The following SEMA4A variants were observed in gnomAD, a reference collection of about 807,000 sequenced individuals.
SEMA4A encodes semaphorin-4A.
A neutral mutation model predicts 72.5 loss-of-function variants in SEMA4A; 52 were observed. That is an observed-to-expected ratio of 0.72 (90% CI 0.57 to 0.90). SEMA4A has a LOEUF of 0.90. SEMA4A is among the 40% of genes least tolerant of loss of function. The pLI is 0.00. For missense variants in SEMA4A, 926 were observed against 959.7 expected (o/e 0.96, Z 0.46); for synonymous variants, 369 against 393.1 (o/e 0.94, Z 0.73).
chr1:156,172,694 G>A (rs1460736583), intron 10 of SEMA4A, 132 bp from the exon 11 acceptor site: 10 of 874,490 alleles, frequency 1.1e-5, no homozygotes, highest in African/African-American at 3.3e-5. Flanking sequence ...CTCCAGAGTC[G>A]GAGCTTTAAC....
intron 10 of SEMA4A, among the ~76,000 whole-genome samples, chr1:156,172,603 A>G (rs1014146109): frequency 2.0e-5 from 3 of 152,196 alleles, no homozygotes; most frequent in South Asian, 2.1e-4. Flanking sequence ...CAGCGAGCCT[A>G]TGAGGCAGGT....
At position 156,177,049 on chromosome 1, in the gene SEMA4A, G is replaced by A. The variant is rs1434773284; in HGVS notation, c.*52G>A. The A allele has an allele frequency of 6.5e-7, 1 of 1,532,592 alleles. No homozygotes were observed. The highest frequency in any genetic ancestry group is 1.7e-5 in the Admixed American group (1 of 59,156). The allele number at this position is 1,532,592 out of a possible 1,614,324, so 94.9% of individuals were successfully genotyped here. On this transcript the variant is annotated 3_prime_UTR_variant, in exon 15 of 15. Coordinates refer to ENST00000368285, the MANE Select transcript of SEMA4A (RefSeq NM_022367.4). ...TGCAGGCACCTGGCCATGCTGGCTG[G>A]GCGGCCCAAGCACAGCCCTGACTAG...
chr1:156,152,666 C>T (rs996499308), upstream of SEMA4A, among the ~76,000 whole-genome samples: 8 of 152,134 alleles, frequency 5.3e-5, no homozygotes, highest in African/African-American at 1.9e-4. Context: ...AGGCTGAGTA[C>T]CTCAGATGAG....
Position 156,174,820 on chromosome 1 carries a change from AG to A in SEMA4A, c.1316-1del, listed in dbSNP as rs1655144323. 1 of 1,614,050 alleles carries A rather than the reference AG, an allele frequency of 6.2e-7. No homozygotes were observed. Among genetic ancestry groups the A allele is most frequent in the Non-Finnish European group, 8.5e-7 (1 of 1,180,020 alleles). ...ACTTCCACTCTCTCTGTCTCCCCATAGCCACAGGGTCGCTCCACAAGGCTGT... is the reference window on the plus strand; with the variant it reads ...ACTTCCACTCTCTCTGTCTCCCCATACCACAGGGTCGCTCCACAAGGCTGT... On this transcript the variant is annotated splice_acceptor_variant, in intron 11 of 14. Coordinates refer to ENST00000368285, the MANE Select transcript of SEMA4A (RefSeq NM_022367.4). LOFTEE classifies it high-confidence loss of function.
chr1:156,161,310 G>GGGGGGGGCCCCGGGGGCCCC, intron 8 of SEMA4A, 36 bp from the exon 9 acceptor site: 1 of 1,381,204 alleles, frequency 7.2e-7, no homozygotes. Flanking sequence ...GGGTCGGGGC[G>GGGGGGGGCCCCGGGGGCCCC]CCCGGGGCGC....
intron 10 of SEMA4A, among the ~76,000 whole-genome samples, chr1:156,167,747 G>A (rs1038359982): frequency 1.3e-5 from 2 of 152,122 alleles, no homozygotes; most frequent in African/African-American, 2.4e-5. Context: ...CTGGATGCAC[G>A]TAATGCCTGG....
intron 6 of SEMA4A, 101 bp from the exon 7 acceptor site, chr1:156,160,342 C>T (rs1419672103): frequency 3.2e-6 from 3 of 929,348 alleles, no homozygotes; most frequent in Non-Finnish European, 5.3e-6. Context: ...GCAGGGCCCC[C>T]GAGACTGATA....
At chr1:156,153,373 C>G (rs1449135842), upstream of SEMA4A, 1 of 152,174 alleles carries the variant, frequency 6.6e-6, no homozygotes, top group Non-Finnish European at 1.5e-5. Context: ...CTGGCTGTGA[C>G]ATGATGGAGA....
chr1:156,157,948 C>A lies in SEMA4A; in HGVS notation c.301-122C>A. 1.1e-6 allele frequency: 1 copy of A among 916,870 alleles called. No homozygotes were observed. Among genetic ancestry groups the A allele is most frequent in the Non-Finnish European group, 1.8e-6 (1 of 565,710 alleles). The allele number at this position is 916,870 out of a possible 1,614,324, so 56.8% of individuals were successfully genotyped here. Reference sequence around the variant, plus strand: ...AACTGATGTTATTACTGCCCATCAGCATGTCACTAACCACCATGTCTGCTG... The same window carrying A: ...AACTGATGTTATTACTGCCCATCAGAATGTCACTAACCACCATGTCTGCTG... On this transcript the variant is annotated intron_variant, in intron 3 of 14. Coordinates refer to ENST00000368285, the MANE Select transcript of SEMA4A (RefSeq NM_022367.4). The surrounding 1 kb of genome is among the most constrained non-coding windows in gnomAD (Gnocchi z 4.5).
chr1:156,156,010 T>A (rs1558146260), intron 2 of SEMA4A: 1 of 289,320 alleles, frequency 3.5e-6, no homozygotes, highest in Non-Finnish European at 6.9e-6. Flanking sequence ...GACTCTGACA[T>A]ACGCCCTCCT....
At chr1:156,172,236 G>C (rs1031573186) in intron 10 of SEMA4A, among the ~76,000 whole-genome samples, 5 of 151,908 alleles carry the variant, frequency 3.3e-5, no homozygotes, top group Non-Finnish European at 7.4e-5. Context: ...TCCTGCCTCA[G>C]CCTTCTAAGT....
chr1:156,154,855 G>A (rs1652869731), intron 2 of SEMA4A, 138 bp downstream of exon 2: 1 of 1,052,578 alleles, frequency 9.5e-7, no homozygotes, highest in East Asian at 2.6e-5. Flanking sequence ...GGGAGAAACA[G>A]AGGATCTCGG....
chr1:156,158,389 C>A lies in SEMA4A; in HGVS notation c.365C>A (p.Thr122Lys), dbSNP rs1433713483. 1.9e-6 allele frequency: 3 copies of A among 1,612,300 alleles called. No individual in the cohort carries two copies. The highest frequency in any genetic ancestry group is 2.5e-6 in the Non-Finnish European group (3 of 1,178,410). ...ECAFKKKSNE[T>K]QCFNFIRVLV... is the part of the protein sequence containing the mutation. ...ACCTAAATTCTCTGTCTCCCTCAGA[C>A]ACAGTGTTTCAACTTCATCCGTGTC... Residue 122 changes from threonine to lysine, a missense_variant and splice_region_variant, in exon 5 of 15, where the codon ACA becomes AAA. Physicochemically the swap from Thr to Lys is moderately conservative, Grantham distance 78. Transcript: ENST00000368285.
Position 156,161,468 on chromosome 1 carries a change from C to A in SEMA4A, c.933C>A (p.Pro311=), listed in dbSNP as rs1271540312. 6.2e-7 allele frequency: 1 copy of A among 1,613,936 alleles called. No homozygotes were observed. Among genetic ancestry groups the A allele is most frequent in the East Asian group, 2.2e-5 (1 of 44,896 alleles). ...TCATCCGCCACGCGGTCCTGCTCCC[C>A]GCCGATTCTCCCACAGCTCCCCACA... ...FNVIRHAVLL[P]ADSPTAPHIY... is the part of the protein sequence containing the mutation. Residue 311 remains proline (P), a synonymous_variant, in exon 9 of 15, where the codon CCC becomes CCA. Transcript: ENST00000368285.
At position 156,175,172 on chromosome 1, in the gene SEMA4A, C is replaced by G. The variant is rs756456983; in HGVS notation, c.1521C>G (p.Val507=). The change falls in exon 13 of 15, where the codon GTC becomes GTG. Residue 507 remains valine (V), a synonymous_variant. Coordinates refer to ENST00000368285, the MANE Select transcript of SEMA4A (RefSeq NM_022367.4). ...CSVYESCVDC[V]LARDPHCAWD... is the part of the protein sequence containing the mutation. ...TCTATGAGAGCTGTGTGGACTGTGTCCTTGCCCGGGACCCCCACTGTGCCT... is the reference window on the plus strand; with the variant it reads ...TCTATGAGAGCTGTGTGGACTGTGTGCTTGCCCGGGACCCCCACTGTGCCT... 2 of 1,614,136 alleles carry G rather than the reference C, an allele frequency of 1.2e-6. No homozygotes were observed. Among genetic ancestry groups the G allele is most frequent in the Non-Finnish European group, 8.5e-7 (1 of 1,180,004 alleles).
chr1:156,154,995 CT>C (rs944035864), intron 2 of SEMA4A: 5 of 500,910 alleles, frequency 1.0e-5, no homozygotes, highest in Non-Finnish European at 1.8e-5. Flanking sequence ...GGTAATTTTT[CT>C]TTCCTTCCTT....
At chr1:156,158,593 C>A in intron 5 of SEMA4A, 107 bp downstream of exon 5, 1 of 1,269,516 alleles carries the variant, frequency 7.9e-7, no homozygotes. Context: ...AGATGCAGGA[C>A]CCTCATGAAC....
At position 156,162,948 on chromosome 1, in the gene SEMA4A, G is replaced by A. The variant is rs939526871; in HGVS notation, c.988G>A (p.Val330Ile). 12 of 1,613,708 alleles carry A rather than the reference G, an allele frequency of 7.4e-6. No homozygotes were observed. The highest frequency in any genetic ancestry group is 1.0e-5 in the Non-Finnish European group (12 of 1,180,034). Residue 330 changes from valine (V) to isoleucine (I), a missense_variant, in exon 10 of 15, where the codon GTT (valine) becomes ATT (isoleucine). Physicochemically the swap from Val to Ile is conservative, Grantham distance 29. Coordinates refer to ENST00000368285, the MANE Select transcript of SEMA4A (RefSeq NM_022367.4). ...IYAVFTSQWQ[V>I]GGTRSSAVCA... ...GTTCCCTCTGGCTGTCTCCAGGCAG[G>A]TTGGCGGGACCAGGAGCTCTGCGGT...
chr1:156,170,715 C>T (rs1654691706), intron 10 of SEMA4A, among the ~76,000 whole-genome samples: 1 of 150,148 alleles, frequency 6.7e-6, no homozygotes, highest in Non-Finnish European at 1.5e-5. Context: ...GATCAGGCCT[C>T]TGCACTCCAG....
Sources: allele counts gnomAD v4.1 joint callset (sites outside exome capture counted in the v4.1 genomes callset), GRCh38; gene constraint gnomAD v4.1.1; non-coding constraint Gnocchi (gnomAD v3.1); transcripts MANE v1.5; gene names NCBI Gene and HGNC (gene_info 2026-07-23, HGNC 2026-07-21).